Variants in GLT1D1 observed in about 807,000 individuals in gnomAD.
The protein encoded by GLT1D1 is glycosyltransferase 1 domain-containing protein 1.
A neutral mutation model predicts 28.7 loss-of-function variants in GLT1D1; 21 were observed. The observed-to-expected ratio is 0.73, with a 90% CI of 0.52 to 1.05. GLT1D1 has a LOEUF of 1.05. Among genes scored for constraint, GLT1D1 ranks in the 50% least tolerant of loss-of-function variants. The pLI, the probability that GLT1D1 is intolerant of heterozygous loss-of-function variation, is 0.00. For synonymous variants in GLT1D1, 147 were observed against 124.8 expected (o/e 1.18, Z -1.19); for missense variants, 343 against 330.6 (o/e 1.04, Z -0.29).
intron 4 of GLT1D1, among the ~76,000 whole-genome samples, chr12:128,921,148 A>G (rs2135904814): frequency 6.6e-6 from 1 of 151,614 alleles, no homozygotes; most frequent in African/African-American, 2.4e-5. Context: ...GGTATGTGGA[A>G]AGTGCACATA....
chr12:128,978,489 C>T (rs569527642), intron 7 of GLT1D1, among the ~76,000 whole-genome samples: 4 of 152,270 alleles, frequency 2.6e-5, no homozygotes, highest in South Asian at 4.1e-4. Context: ...GCTCCCCATG[C>T]GACCTGGGTG....
At chr12:128,881,235 A>AC (rs1957031907) in intron 2 of GLT1D1, among the ~76,000 whole-genome samples, 1 of 148,858 alleles carries the variant, frequency 6.7e-6, no homozygotes, top group Non-Finnish European at 1.5e-5. Flanking sequence ...AAAAAAAAAA[A>AC]AAAAAAAAAC....
At chr12:128,895,260 G>T (rs1869491518) in intron 3 of GLT1D1, among the ~76,000 whole-genome samples, 2 of 152,004 alleles carry the variant, frequency 1.3e-5, no homozygotes, top group Admixed American at 1.3e-4. Flanking sequence ...CTTAGAGCTT[G>T]GAAATGTATG....
intron 1 of GLT1D1, among the ~76,000 whole-genome samples, chr12:128,855,846 G>A (rs778874072): frequency 4.2e-4 from 59 of 141,254 alleles, no homozygotes; most frequent in Non-Finnish European, 7.7e-4. Flanking sequence ...TCTGCCCCCC[G>A]GTTCCAGCGA....
At chr12:128,964,721 A>G (rs1878290805) in intron 7 of GLT1D1, among the ~76,000 whole-genome samples, 1 of 152,148 alleles carries the variant, frequency 6.6e-6, no homozygotes, top group South Asian at 2.1e-4. Context: ...TCACCCTGGC[A>G]TGTTGTGTTA....
chr12:128,940,489 G>C (rs1875085355), intron 4 of GLT1D1, among the ~76,000 whole-genome samples: 1 of 152,204 alleles, frequency 6.6e-6, no homozygotes, highest in Non-Finnish European at 1.5e-5. Flanking sequence ...TGGGTGGCCT[G>C]ACCCTGGCCC....
At chr12:128,971,831 T>C (rs1879206038) in intron 7 of GLT1D1, among the ~76,000 whole-genome samples, 1 of 63,594 alleles carries the variant, frequency 1.6e-5, no homozygotes, top group South Asian at 7.0e-4. Context: ...CTCCCTTCTT[T>C]GCTCCCTCCC....
intron 4 of GLT1D1, among the ~76,000 whole-genome samples, chr12:128,905,716 C>T (rs185696785): frequency 2.0e-5 from 3 of 152,302 alleles, no homozygotes; most frequent in East Asian, 3.9e-4. Flanking sequence ...GTGGGCTCCT[C>T]ACCAGGTCAG....
intron 4 of GLT1D1, among the ~76,000 whole-genome samples, chr12:128,942,937 C>CG (rs1277079832): frequency 6.6e-6 from 1 of 151,850 alleles, no homozygotes; most frequent in Non-Finnish European, 1.5e-5. Context: ...TTAGTAGAGA[C>CG]GGGGTTTCAC....
chr12:128,972,674 A>G (rs956222488), intron 7 of GLT1D1, among the ~76,000 whole-genome samples: 1 of 152,210 alleles, frequency 6.6e-6, no homozygotes, highest in African/African-American at 2.4e-5. Flanking sequence ...TGCTCTTATC[A>G]GCCCCATTTC....
intron 4 of GLT1D1, chr12:128,944,359 C>G (rs542979851): frequency 1.2e-6 from 1 of 866,258 alleles, no homozygotes; most frequent in African/African-American, 1.7e-5. Flanking sequence ...GGTTTCTGTT[C>G]TGGAGAATGT....
At chr12:128,888,218 G>T (rs1868616823) in intron 2 of GLT1D1, among the ~76,000 whole-genome samples, 1 of 152,130 alleles carries the variant, frequency 6.6e-6, no homozygotes, top group Non-Finnish European at 1.5e-5. Flanking sequence ...CTCCCCTGTT[G>T]TTGTCCCAAG....
chr12:128,878,075 A>T (rs1956915798), intron 2 of GLT1D1, among the ~76,000 whole-genome samples: 1 of 152,240 alleles, frequency 6.6e-6, no homozygotes. Context: ...CCAGGCTCAG[A>T]AGTCAATACA....
intron 7 of GLT1D1, among the ~76,000 whole-genome samples, chr12:128,966,413 A>C (rs1472518118): frequency 6.6e-6 from 1 of 152,176 alleles, no homozygotes; most frequent in East Asian, 1.9e-4. Context: ...CCTCCCTCAC[A>C]GGTAACTTGA....
intron 7 of GLT1D1, among the ~76,000 whole-genome samples, chr12:128,973,670 CT>C (rs1879459043): frequency 6.6e-6 from 1 of 151,974 alleles, no homozygotes; most frequent in Non-Finnish European, 1.5e-5. Context: ...TGCCTCTCAC[CT>C]TCTTCTTTCC....
chr12:128,899,088 G>T, intron 3 of GLT1D1, 148 bp from the exon 4 acceptor site: 1 of 624,512 alleles, frequency 1.6e-6, no homozygotes, highest in Non-Finnish European at 2.8e-6. Context: ...TAAACCTAAT[G>T]GCCAATGACC....
chr12:128,877,516 G>A (rs1361516706), intron 2 of GLT1D1, among the ~76,000 whole-genome samples: 1 of 151,972 alleles, frequency 6.6e-6, no homozygotes, highest in Non-Finnish European at 1.5e-5. Flanking sequence ...TTCATATATG[G>A]GCACATCTTA....
At position 128,983,376 on chromosome 12, in the gene GLT1D1, G is replaced by A; in HGVS notation, c.*286G>A. ...GGGGAACTGGTTTTCAGGGAATTTG[G>A]GAGAGAATTTGATTACCTGCCTTAG... On this transcript the variant is annotated 3_prime_UTR_variant, in exon 8 of 8. Coordinates refer to ENST00000281703, the MANE Select transcript of GLT1D1 (RefSeq NM_144669.3). This position sits in a 1 kb window ranked among gnomAD's most constrained non-coding sequence, Gnocchi z 4.7. 1 of 367,176 alleles carries A rather than the reference G, an allele frequency of 2.7e-6. No individual in the cohort carries two copies. Among genetic ancestry groups the A allele is most frequent in the Non-Finnish European group, 5.0e-6 (1 of 200,632 alleles). The allele number at this position is 367,176 out of a possible 1,614,324, so 22.7% of individuals were successfully genotyped here.
At chr12:128,867,397 C>CA (rs1158997935) in intron 1 of GLT1D1, among the ~76,000 whole-genome samples, 3,081 of 58,656 alleles carry the variant, frequency 0.053, 144 homozygotes, top group African/African-American at 0.11. Flanking sequence ...AACTCCTTCT[C>CA]AAAAAAAAAA....
Sources: allele counts gnomAD v4.1 joint callset (sites outside exome capture counted in the v4.1 genomes callset), GRCh38; gene constraint gnomAD v4.1.1; non-coding constraint Gnocchi (gnomAD v3.1); transcripts MANE v1.5; gene names NCBI Gene and HGNC (gene_info 2026-07-23, HGNC 2026-07-21).